Variants in SEC24B observed in about 807,000 individuals in gnomAD.
SEC24B encodes the protein protein transport protein Sec24B.
In SEC24B, 45 loss-of-function variants were observed where a neutral mutation model predicts 142.8. The observed-to-expected ratio is 0.32, with a 90% confidence interval of 0.25 to 0.40. SEC24B has a LOEUF of 0.40. SEC24B is among the 10% of genes least tolerant of loss of function. The probability of loss-of-function intolerance (pLI) is 1.00; values close to 1 mark genes in which losing one functional copy is unlikely to be tolerated. For missense variants in SEC24B, 1,409 were observed against 1,526.8 expected (o/e 0.92, Z 1.29); for synonymous variants, 574 against 568.2 (o/e 1.01, Z -0.15).
intron 1 of SEC24B, among the ~76,000 whole-genome samples, chr4:109,451,359 T>A (rs1359783060): frequency 7.2e-6 from 1 of 139,694 alleles, no homozygotes; most frequent in Non-Finnish European, 1.6e-5. Flanking sequence ...CCTTGCTAAT[T>A]TTTTTTTTTT....
chr4:109,441,164 A>G (rs935292922), intron 1 of SEC24B, among the ~76,000 whole-genome samples: 1 of 152,192 alleles, frequency 6.6e-6, no homozygotes, highest in East Asian at 1.9e-4. Flanking sequence ...CCAGTGGCCA[A>G]GTCTTAACTT....
chr4:109,499,610 A>T (rs1735899579), intron 6 of SEC24B, among the ~76,000 whole-genome samples: 1 of 152,208 alleles, frequency 6.6e-6, no homozygotes, highest in Admixed American at 6.5e-5. Flanking sequence ...GTCCCATAAG[A>T]TTATAATGGA....
intron 1 of SEC24B, among the ~76,000 whole-genome samples, chr4:109,442,157 G>A (rs547020932): frequency 2.6e-5 from 4 of 152,254 alleles, no homozygotes; most frequent in African/African-American, 9.6e-5. Context: ...CTTATTGGCA[G>A]GGAGAGTATA....
At position 109,531,533 on chromosome 4, in the gene SEC24B, T is replaced by C. The variant is rs779286028; in HGVS notation, c.3390+11T>C. 41 of 1,586,686 alleles carry C rather than the reference T, an allele frequency of 2.6e-5. 1 individual carries two copies. The South Asian group carries it at 4.4e-4, about 17-fold the overall frequency. ...AGATTGACAGATGAGGTATGTATTT[T>C]AGTGCATTTGAAATGTTTAAATTTG... On this transcript the variant is annotated intron_variant, in intron 20 of 23. Coordinates refer to ENST00000265175, the MANE Select transcript of SEC24B (RefSeq NM_006323.5).
In SEC24B at chr4:109,463,030, G is replaced by C; in HGVS notation, c.263G>C (p.Gly88Ala). ...TCATTGCCATTGGATACCCAGTGTG[G>C]TGATTACTACTCTGCTCTCTATACA... ...MTSLPLDTQCGDYYSALYTVP... is the reference protein window; with the variant it reads ...MTSLPLDTQCADYYSALYTVP... The change falls in exon 2 of 24, where the codon GGT (glycine) becomes GCT (alanine). Residue 88 changes from glycine (G) to alanine (A), a missense_variant. Physicochemically the swap from Gly to Ala is moderately conservative, Grantham distance 60. Coordinates refer to ENST00000265175, the MANE Select transcript of SEC24B (RefSeq NM_006323.5). The C allele has an allele frequency of 6.2e-7, 1 of 1,614,132 alleles. No individual in the cohort carries two copies. The highest frequency in any genetic ancestry group is 2.2e-5 in the East Asian group (1 of 44,880).
intron 2 of SEC24B, among the ~76,000 whole-genome samples, chr4:109,470,219 A>G (rs1732369654): frequency 6.6e-6 from 1 of 152,198 alleles, no homozygotes; most frequent in African/African-American, 2.4e-5. Flanking sequence ...CACATCCCAC[A>G]ACACAGCTAT....
intron 3 of SEC24B, among the ~76,000 whole-genome samples, chr4:109,473,887 A>G (rs1340987422): frequency 2.0e-5 from 3 of 152,212 alleles, no homozygotes; most frequent in African/African-American, 4.8e-5. Flanking sequence ...ACTGTTTTCA[A>G]GAATCTGTAG....
intron 1 of SEC24B, among the ~76,000 whole-genome samples, chr4:109,460,617 C>G (rs1731152194): frequency 1.3e-5 from 2 of 151,786 alleles, no homozygotes; most frequent in Admixed American, 1.3e-4. Flanking sequence ...CCATTTAGTT[C>G]CTAAGCATGT....
At chr4:109,538,887 T>C (rs1380106099) in intron 23 of SEC24B, among the ~76,000 whole-genome samples, 1 of 152,152 alleles carries the variant, frequency 6.6e-6, no homozygotes, top group Non-Finnish European at 1.5e-5. Context: ...CATGCTCAAG[T>C]AATCCTCCCA....
intron 3 of SEC24B, among the ~76,000 whole-genome samples, chr4:109,474,489 A>G (rs1411905925): frequency 6.9e-6 from 1 of 145,688 alleles, no homozygotes; most frequent in Non-Finnish European, 1.5e-5. Context: ...CAGTGGCATG[A>G]TCTTGGCTCA....
At chr4:109,471,092 T>C (rs1045732477) in intron 2 of SEC24B, among the ~76,000 whole-genome samples, 1 of 123,278 alleles carries the variant, frequency 8.1e-6, no homozygotes, top group Non-Finnish European at 1.5e-5. Flanking sequence ...TATATACACA[T>C]ACATACATGT....
At chr4:109,451,253 C>T (rs1730053054) in intron 1 of SEC24B, among the ~76,000 whole-genome samples, 1 of 152,064 alleles carries the variant, frequency 6.6e-6, no homozygotes, top group African/African-American at 2.4e-5. Flanking sequence ...GGTCTTGCTC[C>T]ATTGCCTAGG....
chr4:109,495,563 A>G lies in SEC24B; in HGVS notation c.1488+707A>G, dbSNP rs368103275. On this transcript the variant is annotated intron_variant, in intron 6 of 23. Transcript: ENST00000265175. ...GTGGATGCACCAAATTTTATAGTCCATCTTGAGGAGGCAATGTCTTATTTA... is the reference window on the plus strand; with the variant it reads ...GTGGATGCACCAAATTTTATAGTCCGTCTTGAGGAGGCAATGTCTTATTTA... 1.6e-4 allele frequency among the ~76,000 whole-genome samples: 24 copies of G among 152,168 alleles called. 1 individual carries two copies. The highest frequency in any genetic ancestry group is 1.2e-3 in the East Asian group (6 of 5,200).
At chr4:109,439,576 C>T (rs986438180) in intron 1 of SEC24B, among the ~76,000 whole-genome samples, 59 of 137,860 alleles carry the variant, frequency 4.3e-4, no homozygotes, top group African/African-American at 1.5e-3. Flanking sequence ...AATCTCAGCT[C>T]ACTGCAACCT....
intron 1 of SEC24B, among the ~76,000 whole-genome samples, chr4:109,453,739 G>A (rs1335046406): frequency 6.6e-6 from 1 of 152,200 alleles, no homozygotes; most frequent in African/African-American, 2.4e-5. Context: ...TTACGAAGAT[G>A]AAAGGATTAA....
chr4:109,517,276 G>A (rs569663648), intron 11 of SEC24B, among the ~76,000 whole-genome samples: 9 of 151,404 alleles, frequency 5.9e-5, no homozygotes, highest in Non-Finnish European at 1.3e-4. Flanking sequence ...ATGTGCAAAT[G>A]GAATACTATC....
chr4:109,467,093 G>A (rs1026760804), intron 2 of SEC24B, among the ~76,000 whole-genome samples: 5 of 137,930 alleles, frequency 3.6e-5, no homozygotes, highest in African/African-American at 5.6e-5. Flanking sequence ...TTGGGAGGCC[G>A]AGGCGGGCGG....
intron 4 of SEC24B, among the ~76,000 whole-genome samples, chr4:109,483,781 T>G (rs963069225): frequency 2.0e-5 from 3 of 152,176 alleles, no homozygotes; most frequent in Non-Finnish European, 4.4e-5. Context: ...CCATCTATGT[T>G]TCTGAAATTT....
rs1736673993 is a variant in SEC24B at position 109,506,256 on chromosome 4, ATAT to A, written c.1489-71_1489-69del. 5 of 1,081,178 alleles carry A rather than the reference ATAT, an allele frequency of 4.6e-6. No individual in the cohort carries two copies. The East Asian group carries it at 1.6e-4, about 34-fold the overall frequency. The allele number at this position is 1,081,178 out of a possible 1,614,324, so 67.0% of individuals were successfully genotyped here. ...CTTTTTGCTTTTTCTGTATGTTGAGATATGTAGTATATATAAGAAAATTTATTT... is the reference window on the plus strand; with the variant it reads ...CTTTTTGCTTTTTCTGTATGTTGAGAGTAGTATATATAAGAAAATTTATTT... On this transcript the variant is annotated intron_variant, in intron 6 of 23. Transcript: ENST00000265175.
Sources: allele counts gnomAD v4.1 joint callset (sites outside exome capture counted in the v4.1 genomes callset), GRCh38; gene constraint gnomAD v4.1.1; transcripts MANE v1.5; gene names NCBI Gene and HGNC (gene_info 2026-07-23, HGNC 2026-07-21).